The following ZNF536 variants were observed in gnomAD, a reference collection of about 807,000 sequenced individuals.
ZNF536 encodes the protein zinc finger protein 536.
A neutral mutation model predicts 84.5 loss-of-function variants in ZNF536; 13 were observed. The observed-to-expected ratio is 0.15, with a 90% CI of 0.10 to 0.24. The LOEUF (loss-of-function observed/expected upper bound fraction) is 0.24. Ranked by LOEUF, ZNF536 falls within the 10% of genes least tolerant of loss-of-function variation. ZNF536 has a pLI of 1.00. For synonymous variants in ZNF536, 811 were observed against 742.5 expected (o/e 1.09, Z -1.50); for missense variants, 1,536 against 1,747.5 (o/e 0.88, Z 2.16).
At chr19:30,481,914 C>T (rs1693731979) in intron 2 of ZNF536, among the ~76,000 whole-genome samples, 2 of 151,936 alleles carry the variant, frequency 1.3e-5, no homozygotes, top group African/African-American at 2.4e-5. Context: ...TGACAATATA[C>T]GATATTTGGT....
At position 30,547,991 on chromosome 19, in the gene ZNF536, C is replaced by T. The variant is rs2146175895; in HGVS notation, c.2372C>T (p.Ser791Leu). 3.1e-6 allele frequency: 5 copies of T among 1,603,374 alleles called. No individual in the cohort carries two copies. Among genetic ancestry groups the T allele is most frequent in the Non-Finnish European group, 4.3e-6 (5 of 1,174,614 alleles). Reference protein sequence around the residue: ...CPHCDYAGTQSASLKYHLERH... With the variant: ...CPHCDYAGTQLASLKYHLERH... ...CACTGTGACTATGCCGGCACGCAGT[C>T]AGCATCCTTAAAATACCACTTAGAG... The change falls in exon 4 of 5, where the codon TCA (serine) becomes TTA (leucine). Residue 791 changes from serine (S) to leucine (L), a missense_variant. Around this residue, in one of 8 missense-constraint regions of ZNF536, gnomAD observed 148 missense variants for 205.4 expected, o/e 0.72. Coordinates refer to ENST00000355537, the MANE Select transcript of ZNF536 (RefSeq NM_014717.3).
In ZNF536 at chr19:30,487,578, T is replaced by A. The variant is rs1599554428; in HGVS notation, c.2170+41846T>A. On this transcript the variant is annotated intron_variant, in intron 2 of 4. Coordinates refer to ENST00000355537, the MANE Select transcript of ZNF536 (RefSeq NM_014717.3). The stretch of plus-strand genomic sequence containing the variant: ...CCTCTTTCTTTTTCTTTTGTCCATA[T>A]GTTTTATGATGTATGACATTACTTC... Among the ~76,000 whole-genome samples the A allele has an allele frequency of 1.3e-5, 2 of 152,312 alleles. 1 individual carries two copies. The highest frequency in any genetic ancestry group is 1.3e-4 in the Admixed American group (2 of 15,306).
At chr19:30,304,955 A>T (rs1324159055) in intron 2 of ZNF536, among the ~76,000 whole-genome samples, 1 of 152,218 alleles carries the variant, frequency 6.6e-6, no homozygotes, top group African/African-American at 2.4e-5. Context: ...GCCTGTTCTT[A>T]GGAGGAGACT....
intron 3 of ZNF536, among the ~76,000 whole-genome samples, chr19:30,362,779 G>A (rs1256518527): frequency 6.6e-6 from 1 of 152,048 alleles, no homozygotes; most frequent in Non-Finnish European, 1.5e-5. Flanking sequence ...GAGTGTGAGA[G>A]GCCAGGGGCA....
chr19:30,460,789 C>T (rs184009347), intron 2 of ZNF536, among the ~76,000 whole-genome samples: 51 of 152,194 alleles, frequency 3.4e-4, no homozygotes, highest in African/African-American at 1.2e-3. Flanking sequence ...TGGGAATGGC[C>T]CACACATAAA....
chr19:30,345,001 T>C (rs372489303), intron 2 of ZNF536, among the ~76,000 whole-genome samples: 4 of 152,360 alleles, frequency 2.6e-5, no homozygotes, highest in African/African-American at 9.6e-5. Flanking sequence ...TCTTTTAATA[T>C]AGCATCAACA....
intron 1 of ZNF536, among the ~76,000 whole-genome samples, chr19:30,438,122 A>G (rs1372304812): frequency 1.3e-5 from 2 of 152,076 alleles, no homozygotes; most frequent in Non-Finnish European, 2.9e-5. Flanking sequence ...TCGGGGGTAC[A>G]TGTGTATGTT....
intron 3 of ZNF536, among the ~76,000 whole-genome samples, chr19:30,539,613 G>A (rs902900858): frequency 3.9e-5 from 6 of 152,188 alleles, no homozygotes; most frequent in Non-Finnish European, 8.8e-5. Flanking sequence ...CTGAGAGGTT[G>A]GCAAATCATT....
At chr19:30,621,141 A>C (rs1004195834) in intron 1 of ZNF536, among the ~76,000 whole-genome samples, 2 of 152,062 alleles carry the variant, frequency 1.3e-5, no homozygotes, top group African/African-American at 4.8e-5. Context: ...AACAGCATCT[A>C]ACATACTTGC....
chr19:30,430,396 C>T (rs1270836522), intron 1 of ZNF536, among the ~76,000 whole-genome samples: 1 of 152,174 alleles, frequency 6.6e-6, no homozygotes, highest in Middle Eastern at 3.4e-3. Context: ...TGGGGGGGAC[C>T]CTGGTGAAGC....
chr19:30,232,122 G>A (rs951856621), intron 1 of ZNF536, among the ~76,000 whole-genome samples: 33 of 151,946 alleles, frequency 2.2e-4, no homozygotes, highest in African/African-American at 5.8e-4. Flanking sequence ...TGGGCTGTGC[G>A]GGAAGCCATC....
chr19:30,230,917 C>T (rs2022986774), intron 1 of ZNF536, among the ~76,000 whole-genome samples: 2 of 151,362 alleles, frequency 1.3e-5, no homozygotes, highest in African/African-American at 4.9e-5. Flanking sequence ...TTTAAAGTGC[C>T]TTGAATGGAG....
rs775309484 is a variant in ZNF536, at chr19:30,548,279, G to C, written c.2660G>C (p.Gly887Ala). ...SSEVPSDALK[G>A]TDLPSKSTHF... Reference sequence around the variant, plus strand: ...GAGGTCCCCTCAGATGCTCTGAAAGGCACTGACCTTCCTTCCAAAAGCACC... The same window carrying C: ...GAGGTCCCCTCAGATGCTCTGAAAGCCACTGACCTTCCTTCCAAAAGCACC... The change falls in exon 4 of 5, where the codon GGC becomes GCC. Residue 887 changes from glycine to alanine, a missense_variant. Transcript: ENST00000355537. 5.0e-6 allele frequency: 8 copies of C among 1,614,096 alleles called. No individual in the cohort carries two copies. Among genetic ancestry groups the C allele is most frequent in the Admixed American group, 3.3e-5 (2 of 60,010 alleles).
In ZNF536 at chr19:30,304,854, A is replaced by G. The variant is rs1227900242; in HGVS notation, c.-120+20713A>G. ...AAATGATGGACGGTGGACCAGCCCA[A>G]GTTCTCATGATTGGGCTGGAGAGAA... On this transcript the variant is annotated intron_variant, in intron 2 of 5. Coordinates refer to the ZNF536 transcript ENST00000585628. Among the ~76,000 whole-genome samples the G allele has an allele frequency of 2.0e-5, 3 of 152,230 alleles. No homozygotes were observed. In the East Asian group the frequency reaches 5.8e-4, roughly 29 times the overall value.
intron 2 of ZNF536, among the ~76,000 whole-genome samples, chr19:30,465,024 C>T (rs1202135901): frequency 6.6e-6 from 1 of 152,118 alleles, no homozygotes; most frequent in Non-Finnish European, 1.5e-5. Flanking sequence ...TCAGCCCAGG[C>T]AACAGAGTGG....
intron 2 of ZNF536, among the ~76,000 whole-genome samples, chr19:30,522,260 T>TATATATATACAC: frequency 9.1e-6 from 1 of 110,314 alleles, no homozygotes; most frequent in South Asian, 2.7e-4. Flanking sequence ...TGGATATATA[T>TATATATATACAC]ACATATATAT....
chr19:30,356,266 C>T (rs2048091824), intron 3 of ZNF536, among the ~76,000 whole-genome samples: 1 of 152,236 alleles, frequency 6.6e-6, no homozygotes, highest in South Asian at 2.1e-4. Flanking sequence ...AGGAAAGGCA[C>T]TCAGAGCCTA....
intron 2 of ZNF536, among the ~76,000 whole-genome samples, chr19:30,467,814 G>A (rs1028432152): frequency 3.3e-5 from 5 of 152,222 alleles, no homozygotes; most frequent in Admixed American, 1.3e-4. Flanking sequence ...TAAGCCACTG[G>A]GTAGCTACTG....
At chr19:30,405,772 C>T (rs1471760377) in intron 1 of ZNF536, among the ~76,000 whole-genome samples, 1 of 150,154 alleles carries the variant, frequency 6.7e-6, no homozygotes, top group East Asian at 2.0e-4. Context: ...TGCAGAGGCA[C>T]TGTTAACATT....
Sources: allele counts gnomAD v4.1 joint callset (sites outside exome capture counted in the v4.1 genomes callset), GRCh38; gene constraint gnomAD v4.1.1; regional missense constraint gnomAD v4.1.1; transcripts MANE v1.5; gene names NCBI Gene and HGNC (gene_info 2026-07-23, HGNC 2026-07-21).